Variants in ARL15 observed in about 807,000 individuals in gnomAD.
ARL15 encodes ARF like GTPase 15.
A neutral mutation model predicts 25.2 loss-of-function variants in ARL15; 19 were observed. That is an observed-to-expected ratio of 0.75 (90% confidence interval 0.53 to 1.10). The LOEUF is 1.10. ARL15 is among the 50% of genes least tolerant of loss of function. The pLI is 0.00. For missense variants in ARL15, 220 were observed against 246.0 expected, an observed-to-expected ratio of 0.89 and a Z score of 0.71; for synonymous variants, 94 against 86.8, an observed-to-expected ratio of 1.08 and a Z score of -0.46.
intron 4 of ARL15, among the ~76,000 whole-genome samples, chr5:54,076,212 C>T (rs1303515562): frequency 2.0e-5 from 3 of 151,828 alleles, no homozygotes; most frequent in South Asian, 2.1e-4. Context: ...GTCAGGAGAT[C>T]GAGACCATCC....
At chr5:54,120,037 A>G (rs946710782) in intron 3 of ARL15, among the ~76,000 whole-genome samples, 8 of 152,350 alleles carry the variant, frequency 5.3e-5, no homozygotes, top group African/African-American at 1.9e-4. Context: ...TGTCTGATTC[A>G]TCACCATACT....
At position 54,292,769 on chromosome 5, in the gene ARL15, C is replaced by G. The variant is rs28380567; in HGVS notation, c.48+17663G>C. Among the ~76,000 whole-genome samples, 306 of 152,128 alleles carry G rather than the reference C, an allele frequency of 2.0e-3. 2 individuals carry two copies. The highest frequency in any genetic ancestry group is 7.1e-3 in the African/African-American group (293 of 41,474). ...TTATACTGTCGTCTCACTCAGCGCT[C>G]ACAATTAGAGCAACGTGGGTATTTC... On this transcript the variant is annotated intron_variant, in intron 1 of 4. Transcript: ENST00000504924.
intron 2 of ARL15, among the ~76,000 whole-genome samples, chr5:54,156,391 T>C (rs1754233833): frequency 6.6e-6 from 1 of 152,210 alleles, no homozygotes; most frequent in African/African-American, 2.4e-5. Context: ...GTTATAAGGA[T>C]AAGATAATGT....
rs1441725112 is a variant in ARL15 at position 53,885,916 on chromosome 5, A to G, written c.*645T>C. ...GAAACAATGTCTTTGCTCTTAAAAG[A>G]GAAGAGACTTCAGATGTAATCAAGA... is the stretch of plus-strand genomic sequence containing the variant. On this transcript the variant is annotated 3_prime_UTR_variant, in exon 5 of 5. Transcript: ENST00000504924. 1.3e-5 allele frequency: 2 copies of G among 152,156 alleles called. No homozygotes were observed. Among genetic ancestry groups the G allele is most frequent in the African/African-American group, 4.8e-5 (2 of 41,430 alleles). 9.4% of individuals were successfully genotyped at this position (152,156 alleles called of 1,614,324 possible). A position where few individuals can be genotyped will look rare whatever the true frequency, so the allele number is the denominator to read the frequency against.
chr5:54,232,153 A>G (rs1424361871), intron 1 of ARL15, among the ~76,000 whole-genome samples: 1 of 152,054 alleles, frequency 6.6e-6, no homozygotes, highest in Non-Finnish European at 1.5e-5. Flanking sequence ...GTTCTTCCAA[A>G]AAGTCCTGCA....
At chr5:54,190,564 G>A (rs1022230709) in intron 1 of ARL15, among the ~76,000 whole-genome samples, 2 of 152,162 alleles carry the variant, frequency 1.3e-5, no homozygotes, top group African/African-American at 4.8e-5. Context: ...TCTGGTGAGG[G>A]CCTTCTGCTA....
chr5:53,982,199 T>C (rs2111601570), intron 4 of ARL15, among the ~76,000 whole-genome samples: 1 of 151,434 alleles, frequency 6.6e-6, no homozygotes, highest in Admixed American at 6.6e-5. Flanking sequence ...TCTTTTTTTA[T>C]ACTTTAAGTT....
chr5:54,131,078 G>A (rs977224620), intron 3 of ARL15, among the ~76,000 whole-genome samples: 7 of 152,146 alleles, frequency 4.6e-5, no homozygotes, highest in Non-Finnish European at 1.0e-4. Flanking sequence ...GTGTCCAGTG[G>A]GACCTGGGGC....
chr5:54,111,828 C>T (rs1752751208), intron 4 of ARL15, among the ~76,000 whole-genome samples: 1 of 151,910 alleles, frequency 6.6e-6, no homozygotes, highest in African/African-American at 2.4e-5. Context: ...CCCTTCATTA[C>T]ATACTATTAT....
intron 4 of ARL15, among the ~76,000 whole-genome samples, chr5:53,907,995 C>T (rs1189642015): frequency 6.6e-6 from 1 of 152,166 alleles, no homozygotes; most frequent in African/African-American, 2.4e-5. Flanking sequence ...TTCTCATCCT[C>T]AAGCATCATC....
chr5:54,229,256 G>T (rs1386413204), intron 1 of ARL15, among the ~76,000 whole-genome samples: 1 of 152,132 alleles, frequency 6.6e-6, no homozygotes, highest in Non-Finnish European at 1.5e-5. Flanking sequence ...GTTATAATAA[G>T]ATCTCAAAGT....
At chr5:54,131,088 C>T (rs1753414772) in intron 3 of ARL15, among the ~76,000 whole-genome samples, 2 of 152,170 alleles carry the variant, frequency 1.3e-5, no homozygotes, top group African/African-American at 4.8e-5. Context: ...GGACCTGGGG[C>T]ATGCTCTCCC....
chr5:54,101,390 T>C lies in ARL15; in HGVS notation c.462+11812A>G, dbSNP rs141917796. 6.2e-4 allele frequency among the ~76,000 whole-genome samples: 94 copies of C among 152,250 alleles called. 2 individuals are homozygous for C. The East Asian group carries it at 0.016, about 26-fold the overall frequency. On this transcript the variant is annotated intron_variant, in intron 4 of 4. Coordinates refer to ENST00000504924, the MANE Select transcript of ARL15 (RefSeq NM_019087.3). ...ACAGATGAAATTACAAAATTACAGA[T>C]TCATATTGAGTGTTTTATAAAAAAG...
At chr5:53,942,627 T>A (rs1580103009) in intron 4 of ARL15, among the ~76,000 whole-genome samples, 1 of 152,226 alleles carries the variant, frequency 6.6e-6, no homozygotes, top group African/African-American at 2.4e-5. Flanking sequence ...GCGCCTGTAA[T>A]CCCAGCTACT....
chr5:54,247,781 A>T (rs1239390892), intron 1 of ARL15, among the ~76,000 whole-genome samples: 1 of 152,168 alleles, frequency 6.6e-6, no homozygotes, highest in African/African-American at 2.4e-5. Flanking sequence ...TCAATATAAC[A>T]TACTAATTTA....
chr5:54,008,232 A>G (rs1749111310), intron 4 of ARL15, among the ~76,000 whole-genome samples: 1 of 152,196 alleles, frequency 6.6e-6, no homozygotes, highest in African/African-American at 2.4e-5. Context: ...CCTAAGACAG[A>G]AATAGTGAGA....
chr5:54,237,927 A>G (rs1211406551), intron 1 of ARL15, among the ~76,000 whole-genome samples: 1 of 152,238 alleles, frequency 6.6e-6, no homozygotes, highest in Non-Finnish European at 1.5e-5. Flanking sequence ...TCCCTACTTC[A>G]CTACTTACTC....
At chr5:54,140,946 G>GT (rs1753760659) in intron 3 of ARL15, among the ~76,000 whole-genome samples, 1 of 152,074 alleles carries the variant, frequency 6.6e-6, no homozygotes, top group African/African-American at 2.4e-5. Flanking sequence ...TGTCATTACC[G>GT]TTTTTTCCCC....
At chr5:54,057,029 GA>G (rs941615437) in intron 4 of ARL15, among the ~76,000 whole-genome samples, 6 of 150,190 alleles carry the variant, frequency 4.0e-5, no homozygotes, top group African/African-American at 1.5e-4. Flanking sequence ...TTGGAAGAAA[GA>G]AAAGTTTTAG....
Sources: allele counts gnomAD v4.1 joint callset (sites outside exome capture counted in the v4.1 genomes callset), GRCh38; gene constraint gnomAD v4.1.1; transcripts MANE v1.5; gene names NCBI Gene and HGNC (gene_info 2026-07-23, HGNC 2026-07-21).